Variants in SLC6A9 observed in about 807,000 individuals in gnomAD.
SLC6A9 encodes the protein sodium- and chloride-dependent glycine transporter 1.
A neutral mutation model predicts 70.9 loss-of-function variants in SLC6A9; 31 were observed. That is an observed-to-expected ratio of 0.44 (90% CI 0.33 to 0.59). The LOEUF is 0.59. SLC6A9 is among the 20% of genes least tolerant of loss of function. The probability of loss-of-function intolerance (pLI) is 0.04; values close to 1 mark genes in which losing one functional copy is unlikely to be tolerated. For synonymous variants in SLC6A9, 310 were observed against 341.3 expected (o/e 0.91, Z 1.01); for missense variants, 631 against 845.2 (o/e 0.75, Z 3.14).
chr1:43,998,005 C>G lies in SLC6A9; in HGVS notation c.1557G>C (p.Val519=). The change falls in exon 13 of 14, where the codon GTG becomes GTC. Residue 519 remains valine (V), a synonymous_variant. Coordinates refer to ENST00000372310, the MANE Select transcript of SLC6A9 (RefSeq NM_001024845.3). ...TGTAGGTGATCGGCTGGTACTGGATCACAGTGAAAACTAGAATAAACTGCA... is the reference window on the plus strand; with the variant it reads ...TGTAGGTGATCGGCTGGTACTGGATGACAGTGAAAACTAGAATAAACTGCA... ...AIIFFILVFT[V]IQYQPITYNH... is the part of the protein sequence containing the mutation. 2.5e-6 allele frequency: 4 copies of G among 1,613,502 alleles called. No individual in the cohort carries two copies. Among genetic ancestry groups the G allele is most frequent in the Non-Finnish European group, 3.4e-6 (4 of 1,179,616 alleles).
chr1:44,026,464 G>A (rs1227991007), intron 1 of SLC6A9, among the ~76,000 whole-genome samples: 1 of 152,108 alleles, frequency 6.6e-6, no homozygotes, highest in Non-Finnish European at 1.5e-5. Context: ...TTCAAGACCA[G>A]CCTGACCAAT....
At position 43,997,602 on chromosome 1, in the gene SLC6A9, C is replaced by A; in HGVS notation, c.1845G>T (p.Ala615=). 6.2e-7 allele frequency: 1 copy of A among 1,613,946 alleles called. No homozygotes were observed. The highest frequency in any genetic ancestry group is 8.5e-7 in the Non-Finnish European group (1 of 1,180,002). ...CATTACTGCCCACAATGGGGATCTG[C>A]GCCTTGTCCGGGTGCAGTGGCTGGA... ...FEVQPLHPDK[A]QIPIVGSNGS... is the part of the protein sequence containing the mutation. Residue 615 remains alanine (A), a synonymous_variant, in exon 14 of 14, where the codon GCG becomes GCT. Coordinates refer to ENST00000372310, the MANE Select transcript of SLC6A9 (RefSeq NM_001024845.3). This position sits in a 1 kb window ranked among gnomAD's most constrained non-coding sequence, Gnocchi z 4.4.
At chr1:44,020,147 G>C (rs1252651917) in intron 2 of SLC6A9, among the ~76,000 whole-genome samples, 1 of 152,232 alleles carries the variant, frequency 6.6e-6, no homozygotes, top group African/African-American at 2.4e-5. Context: ...TATCTAAGGA[G>C]AATGCCCACT....
At chr1:44,004,058 G>A (rs533162499) in intron 5 of SLC6A9, among the ~76,000 whole-genome samples, 1 of 150,448 alleles carries the variant, frequency 6.6e-6, no homozygotes, top group African/African-American at 2.4e-5. Flanking sequence ...GCATTCGTGC[G>A]ATCTGGGCTC....
intron 2 of SLC6A9, chr1:44,016,907 T>C (rs1039795183): frequency 3.2e-4 from 259 of 814,450 alleles, no homozygotes; most frequent in Non-Finnish European, 4.5e-4. Flanking sequence ...TGGGTCACTT[T>C]GGCTGGTGTC....
chr1:44,000,065 T>C (rs1408099332), intron 12 of SLC6A9, among the ~76,000 whole-genome samples: 1 of 152,232 alleles, frequency 6.6e-6, no homozygotes, highest in Non-Finnish European at 1.5e-5. Flanking sequence ...TGTGTGACCA[T>C]GGGCCAATTA....
rs867063667 is a variant in SLC6A9, at chr1:44,013,751, A to C, written c.31-2869T>G. ...GAGCAGGCCTACCTTTCTCCAAGCA[A>C]ACTGGAGGAAAGACTCTCCAAAAAA... On this transcript the variant is annotated intron_variant, in intron 2 of 13. Transcript: ENST00000372310. This position sits in a 1 kb window ranked among gnomAD's most constrained non-coding sequence, Gnocchi z 5.3. Among the ~76,000 whole-genome samples, 1 of 152,094 alleles carries C rather than the reference A, an allele frequency of 6.6e-6. No homozygotes were observed.
Position 43,997,337 on chromosome 1 carries a change from C to T in SLC6A9, c.*208G>A. 1 of 578,048 alleles carries T rather than the reference C, an allele frequency of 1.7e-6. No homozygotes were observed. Among genetic ancestry groups the T allele is most frequent in the African/African-American group, 1.9e-5 (1 of 53,078 alleles). 35.8% of individuals were successfully genotyped at this position (578,048 alleles called of 1,614,324 possible). A position where few individuals can be genotyped will look rare whatever the true frequency, so the allele number is the denominator to read the frequency against. ...CAGCAACCCTCCACTCCCACCCCTC[C>T]CCCCAGCTGCTATCTTGGCATCCAA... On this transcript the variant is annotated 3_prime_UTR_variant, in exon 14 of 14. Transcript: ENST00000372310. The surrounding 1 kb of genome is among the most constrained non-coding windows in gnomAD (Gnocchi z 4.4).
At chr1:44,020,172 G>C (rs1480115874) in intron 2 of SLC6A9, among the ~76,000 whole-genome samples, 2 of 152,160 alleles carry the variant, frequency 1.3e-5, no homozygotes, top group African/African-American at 4.8e-5. Flanking sequence ...GCCAGGCCCT[G>C]AGCCGGGATA....
intron 2 of SLC6A9, chr1:44,011,836 C>T (rs1434664123): frequency 3.1e-6 from 3 of 983,456 alleles, no homozygotes; most frequent in Non-Finnish European, 4.5e-6. Flanking sequence ...AGGACAGCCC[C>T]TTGTGGAACC....
At chr1:44,019,342 G>A (rs1461162474) in intron 2 of SLC6A9, among the ~76,000 whole-genome samples, 2 of 152,198 alleles carry the variant, frequency 1.3e-5, no homozygotes, top group African/African-American at 2.4e-5. Context: ...ATGTTGGTTT[G>A]GGGAAGATGG....
Position 44,024,306 on chromosome 1 carries a change from G to C in SLC6A9, c.-29C>G. The C allele has an allele frequency of 5.0e-6, 8 of 1,613,808 alleles. No individual in the cohort carries two copies. Among genetic ancestry groups the C allele is most frequent in the Non-Finnish European group, 6.8e-6 (8 of 1,179,658 alleles). On this transcript the variant is annotated 5_prime_UTR_variant, in exon 2 of 14. Transcript: ENST00000372310. ...GGCGGTGGGTTGGGGCTCTGGTGACGGGGACCACACTCACAGGCTCTGCTT... is the reference window on the plus strand; with the variant it reads ...GGCGGTGGGTTGGGGCTCTGGTGACCGGGACCACACTCACAGGCTCTGCTT...
intron 1 of SLC6A9, among the ~76,000 whole-genome samples, chr1:44,026,729 T>C (rs2086989712): frequency 6.6e-6 from 1 of 151,726 alleles, no homozygotes; most frequent in Non-Finnish European, 1.5e-5. Context: ...GTCAGGTAAG[T>C]AAACTGAGGA....
In SLC6A9 at chr1:44,010,897, G is replaced by C; in HGVS notation, c.31-15C>G. 1 of 1,613,950 alleles carries C rather than the reference G, an allele frequency of 6.2e-7. No individual in the cohort carries two copies. The highest frequency in any genetic ancestry group is 8.5e-7 in the Non-Finnish European group (1 of 1,179,894). ...ACAGCACCATTCTGTGGGGACAGGAGAGAAGCTACCATCAGCAAGGCATTT... is the reference window on the plus strand; with the variant it reads ...ACAGCACCATTCTGTGGGGACAGGACAGAAGCTACCATCAGCAAGGCATTT... On this transcript the variant is annotated splice_polypyrimidine_tract_variant and intron_variant, in intron 2 of 13. Transcript: ENST00000372310.
At chr1:44,028,569 G>A (rs1187408532) in intron 1 of SLC6A9, among the ~76,000 whole-genome samples, 6 of 152,162 alleles carry the variant, frequency 3.9e-5, no homozygotes, top group South Asian at 4.1e-4. Context: ...CAGCCTGACC[G>A]ACATGGAGAA....
At chr1:44,001,089 G>A (rs1257953319) in intron 10 of SLC6A9, 34 bp from the exon 11 acceptor site, 1 of 1,604,450 alleles carries the variant, frequency 6.2e-7, no homozygotes. Context: ...GGAGGCGCCT[G>A]CAGCCCGGGC....
Position 43,997,813 on chromosome 1 carries a change from C to G in SLC6A9, c.1707+42G>C. On this transcript the variant is annotated intron_variant, in intron 13 of 13. Coordinates refer to ENST00000372310, the MANE Select transcript of SLC6A9 (RefSeq NM_001024845.3). The surrounding 1 kb of genome is among the most constrained non-coding windows in gnomAD (Gnocchi z 4.4). ...GCCCTTAAGCCCCTTCCAGCTGGCC[C>G]CTCCCATTTTGCCTGGCTACCCAGC... is the stretch of plus-strand genomic sequence containing the variant. 1 of 1,589,160 alleles carries G rather than the reference C, an allele frequency of 6.3e-7. No homozygotes were observed. The highest frequency in any genetic ancestry group is 1.3e-5 in the African/African-American group (1 of 74,460).
intron 8 of SLC6A9, among the ~76,000 whole-genome samples, 166 bp from the exon 9 acceptor site, chr1:44,001,793 T>C (rs1387232769): frequency 6.6e-6 from 1 of 152,162 alleles, no homozygotes; most frequent in Admixed American, 6.5e-5. Context: ...AATGGCGCTA[T>C]CACAGCTAAC....
chr1:43,998,063 C>T, intron 12 of SLC6A9, 38 bp from the exon 13 acceptor site: 1 of 1,563,584 alleles, frequency 6.4e-7, no homozygotes, highest in Non-Finnish European at 8.7e-7. Context: ...GTGAGGCCGA[C>T]CCAGAGCCCA....
Sources: allele counts gnomAD v4.1 joint callset (sites outside exome capture counted in the v4.1 genomes callset), GRCh38; gene constraint gnomAD v4.1.1; non-coding constraint Gnocchi (gnomAD v3.1); transcripts MANE v1.5; gene names NCBI Gene and HGNC (gene_info 2026-07-23, HGNC 2026-07-21).